The following PPP2R2C variants were observed in gnomAD, a reference collection of about 807,000 sequenced individuals.
PPP2R2C encodes the protein protein phosphatase 2, regulatory subunit B, gamma.
Under a neutral mutation model 45.3 loss-of-function variants are expected in PPP2R2C, and 10 were observed. The observed-to-expected ratio is 0.22, with a 90% confidence interval of 0.14 to 0.37. PPP2R2C has a LOEUF of 0.37. Ranked by LOEUF, PPP2R2C falls within the 10% of genes least tolerant of loss-of-function variation. PPP2R2C has a pLI of 1.00. For synonymous variants in PPP2R2C, 257 were observed against 245.4 expected (o/e 1.05, Z -0.44); for missense variants, 308 against 619.7 (o/e 0.50, Z 5.34).
At chr4:6,509,575 C>T (rs956021034) in intron 2 of PPP2R2C, among the ~76,000 whole-genome samples, 3 of 152,090 alleles carry the variant, frequency 2.0e-5, no homozygotes, top group Non-Finnish European at 4.4e-5. Context: ...ACTAATCTAC[C>T]CTTACCACGA....
At chr4:6,524,415 C>T (rs1026579839) in intron 2 of PPP2R2C, among the ~76,000 whole-genome samples, 2 of 152,188 alleles carry the variant, frequency 1.3e-5, no homozygotes, top group African/African-American at 4.8e-5. Context: ...GGAGTGACTG[C>T]TTACTGAGTA....
intron 1 of PPP2R2C, among the ~76,000 whole-genome samples, chr4:6,394,769 G>A (rs1255031909): frequency 1.3e-5 from 2 of 152,244 alleles, no homozygotes; most frequent in East Asian, 1.9e-4. Context: ...CTCTGCTGGG[G>A]CTACAGCCAG....
intron 2 of PPP2R2C, among the ~76,000 whole-genome samples, chr4:6,493,835 G>GGGAGCCGTAGCTTT (rs1170043251): frequency 6.6e-6 from 1 of 152,068 alleles, no homozygotes; most frequent in Admixed American, 6.5e-5. Context: ...CTCTTTAGTC[G>GGGAGCCGTAGCTTT]GGAGCCGTAG....
chr4:6,490,963 C>T (rs79928726), intron 2 of PPP2R2C, among the ~76,000 whole-genome samples: 2,664 of 152,262 alleles, frequency 0.017, 85 homozygotes, highest in African/African-American at 0.06. Flanking sequence ...TAAGACCTGA[C>T]GCCAGGAGGC....
rs1470037717 is a variant in PPP2R2C, at chr4:6,345,652, G to A, written c.790+2194C>T. ...GAAGCCAGAAGAGGCAGGGAAAACG[G>A]TGCTCCCCAGAGCCTCCCGAAGGTA... On this transcript the variant is annotated intron_variant, in intron 6 of 8. Coordinates refer to ENST00000382599, the MANE Select transcript of PPP2R2C (RefSeq NM_020416.4). This position sits in a 1 kb window ranked among gnomAD's most constrained non-coding sequence, Gnocchi z 5.3. Among the ~76,000 whole-genome samples, 2 of 152,132 alleles carry A rather than the reference G, an allele frequency of 1.3e-5. No individual in the cohort carries two copies. The highest frequency in any genetic ancestry group is 3.9e-4 in the East Asian group (2 of 5,180).
intron 2 of PPP2R2C, among the ~76,000 whole-genome samples, chr4:6,482,380 A>G (rs1233644008): frequency 6.6e-6 from 1 of 152,232 alleles, no homozygotes; most frequent in African/African-American, 2.4e-5. Flanking sequence ...CATGACCTGA[A>G]GCCAGACAAT....
chr4:6,408,452 CCCAGAG>C (rs1397926876), intron 1 of PPP2R2C, among the ~76,000 whole-genome samples: 1 of 152,174 alleles, frequency 6.6e-6, no homozygotes, highest in Non-Finnish European at 1.5e-5. Context: ...CACCAGGCCT[CCCAGAG>C]AACTGAGCCA....
At chr4:6,469,610 G>T (rs982664004) in intron 1 of PPP2R2C, among the ~76,000 whole-genome samples, 1 of 152,172 alleles carries the variant, frequency 6.6e-6, no homozygotes, top group South Asian at 2.1e-4. Flanking sequence ...CTGTATGAAA[G>T]GTCGTTATTA....
intron 3 of PPP2R2C, among the ~76,000 whole-genome samples, chr4:6,376,646 G>A (rs935272320): frequency 2.0e-5 from 3 of 152,080 alleles, no homozygotes; most frequent in African/African-American, 7.2e-5. Context: ...TAGAGATAGA[G>A]TCTCACCACG....
chr4:6,440,798 C>T (rs879655187), intron 1 of PPP2R2C, among the ~76,000 whole-genome samples: 2 of 152,186 alleles, frequency 1.3e-5, no homozygotes, highest in Non-Finnish European at 2.9e-5. Flanking sequence ...CTCTGCTAGG[C>T]TGGGTTCTCC....
At chr4:6,453,073 T>C (rs1404449239) in intron 1 of PPP2R2C, among the ~76,000 whole-genome samples, 1 of 152,180 alleles carries the variant, frequency 6.6e-6, no homozygotes, top group Non-Finnish European at 1.5e-5. Context: ...CTGCCCGCAG[T>C]CCCACTGCTC....
intron 4 of PPP2R2C, among the ~76,000 whole-genome samples, chr4:6,374,982 C>T (rs1296894671): frequency 1.3e-5 from 2 of 152,126 alleles, no homozygotes; most frequent in South Asian, 2.1e-4. Flanking sequence ...GTGTGACTTA[C>T]AGAGAAAAAT....
chr4:6,468,612 C>A (rs1337135962), intron 1 of PPP2R2C, among the ~76,000 whole-genome samples: 1 of 152,088 alleles, frequency 6.6e-6, no homozygotes, highest in East Asian at 1.9e-4. Flanking sequence ...CCAGTCACTG[C>A]CAGGATCTAC....
chr4:6,343,479 C>T (rs1440535576), intron 6 of PPP2R2C, among the ~76,000 whole-genome samples: 1 of 152,090 alleles, frequency 6.6e-6, no homozygotes, highest in Admixed American at 6.5e-5. Context: ...TATGGTGGCT[C>T]ATGCCTATAA....
At position 6,329,758 on chromosome 4, in the gene PPP2R2C, T is replaced by C. The variant is rs1216623491; in HGVS notation, c.961-405A>G. 1.3e-5 allele frequency among the ~76,000 whole-genome samples: 2 copies of C among 152,076 alleles called. No individual in the cohort carries two copies. Among genetic ancestry groups the C allele is most frequent in the African/African-American group, 4.8e-5 (2 of 41,410 alleles). On this transcript the variant is annotated intron_variant, in intron 7 of 8. Coordinates refer to ENST00000382599, the MANE Select transcript of PPP2R2C (RefSeq NM_020416.4). The surrounding 1 kb of genome is among the most constrained non-coding windows in gnomAD (Gnocchi z 5.8). ...AGTAGCACCAGGGAGCAGAGTCCAC[T>C]GTGACAAACAGAACGCTCACAGCAC...
At chr4:6,483,170 A>G (rs1239469088) in intron 2 of PPP2R2C, among the ~76,000 whole-genome samples, 3 of 149,146 alleles carry the variant, frequency 2.0e-5, no homozygotes, top group African/African-American at 7.3e-5. Context: ...TAGACGATAG[A>G]TAGAGCCATA....
intron 1 of PPP2R2C, among the ~76,000 whole-genome samples, chr4:6,388,170 A>G (rs1716363395): frequency 6.6e-6 from 1 of 152,122 alleles, no homozygotes; most frequent in African/African-American, 2.4e-5. Flanking sequence ...CTTCCTGGGC[A>G]GCTCTAGGGC....
At chr4:6,444,361 C>A (rs1720310635) in intron 1 of PPP2R2C, among the ~76,000 whole-genome samples, 1 of 151,092 alleles carries the variant, frequency 6.6e-6, no homozygotes, top group African/African-American at 2.4e-5. Flanking sequence ...TGTTTTCATA[C>A]CCATTTTCTT....
upstream of PPP2R2C, among the ~76,000 whole-genome samples, chr4:6,476,327 T>G (rs140463353): frequency 6.6e-6 from 1 of 152,270 alleles, no homozygotes; most frequent in African/African-American, 2.4e-5. Flanking sequence ...ATTCATATAT[T>G]GAAATCCTGT....
Sources: allele counts gnomAD v4.1 joint callset (sites outside exome capture counted in the v4.1 genomes callset), GRCh38; gene constraint gnomAD v4.1.1; non-coding constraint Gnocchi (gnomAD v3.1); transcripts MANE v1.5; gene names NCBI Gene and HGNC (gene_info 2026-07-23, HGNC 2026-07-21).